GINS2: variants seen among roughly 807,000 people sequenced by gnomAD.
GINS2 encodes the protein GINS complex subunit 2, also known as DNA replication complex GINS protein PSF2.
In GINS2, 23 loss-of-function variants were observed where a neutral mutation model predicts 21.2. The ratio of observed to expected loss-of-function variants is 1.08; its 90% CI spans 0.78 to 1.53. The LOEUF (loss-of-function observed/expected upper bound fraction) is 1.53. Ranked by LOEUF, GINS2 falls within the 40% of genes most tolerant of loss-of-function variation. The pLI is 0.00. For missense variants in GINS2, 323 were observed against 233.9 expected (o/e 1.38, Z -2.49); for synonymous variants, 118 against 85.6 (o/e 1.38, Z -2.09).
At position 85,677,649 on chromosome 16, in the gene GINS2, G is replaced by T. The variant is rs1250355586; in HGVS notation, c.*563C>A. The stretch of plus-strand genomic sequence containing the variant: ...AGTCCTTTTACTTGGTAGTTACGCA[G>T]CACAAAAACCTAGAGAGTCAGAGCT... On this transcript the variant is annotated 3_prime_UTR_variant, in exon 5 of 5. Coordinates refer to ENST00000253462, the MANE Select transcript of GINS2 (RefSeq NM_016095.3). 2 of 152,380 alleles carry T rather than the reference G, an allele frequency of 1.3e-5. No homozygotes were observed. Among genetic ancestry groups the T allele is most frequent in the Non-Finnish European group, 2.9e-5 (2 of 68,210 alleles). The allele number at this position is 152,380 out of a possible 1,614,324, so 9.4% of individuals were successfully genotyped here. A position where few individuals can be genotyped will look rare whatever the true frequency, so the allele number is the denominator to read the frequency against.
intron 2 of GINS2, among the ~76,000 whole-genome samples, chr16:85,686,871 T>C (rs1340721379): frequency 6.6e-6 from 1 of 152,272 alleles, no homozygotes; most frequent in Non-Finnish European, 1.5e-5. Context: ...ATTTTTAAAA[T>C]TTTAAAACAA....
rs2053684415 is a variant in GINS2 at position 85,677,216 on chromosome 16, T to C, written c.*996A>G. On this transcript the variant is annotated 3_prime_UTR_variant, in exon 5 of 5. Transcript: ENST00000253462. The stretch of plus-strand genomic sequence containing the variant: ...TTTTAAAGCTGATTACAGAACCTTC[T>C]ATCCATTGCATGATGCTGGACGATC... 6.6e-6 allele frequency: 1 copy of C among 152,204 alleles called. No individual in the cohort carries two copies. The highest frequency in any genetic ancestry group is 2.4e-5 in the African/African-American group (1 of 41,452). 9.4% of individuals were successfully genotyped at this position (152,204 alleles called of 1,614,324 possible).
intron 3 of GINS2, among the ~76,000 whole-genome samples, chr16:85,681,346 T>C (rs972057652): frequency 6.7e-6 from 1 of 150,278 alleles, no homozygotes; most frequent in Non-Finnish European, 1.5e-5. Context: ...AAAGGAAAAA[T>C]GAGAGACAGA....
chr16:85,678,322 A>T lies in GINS2; in HGVS notation c.448T>A (p.Leu150Met). The T allele has an allele frequency of 6.2e-7, 1 of 1,613,256 alleles. No homozygotes were observed. The highest frequency in any genetic ancestry group is 1.7e-4 in the Middle Eastern group (1 of 6,018). ...GTCCCGCTGGTGTTGATCTCCATCA[A>T]GGTCAAGTTATCCAGCTAAAGCAAG... ...EAHAKLDNLT[L>M]MEINTSGTFL... The change falls in exon 5 of 5, where the codon TTG (leucine) becomes ATG (methionine). Residue 150 changes from leucine to methionine, a missense_variant. Coordinates refer to ENST00000253462, the MANE Select transcript of GINS2 (RefSeq NM_016095.3).
rs554019578 is a variant in GINS2, at chr16:85,688,714, C to T, written c.90+95G>A. 1.4e-3 allele frequency: 837 copies of T among 579,024 alleles called. 2 individuals carry two copies. Among genetic ancestry groups the T allele is most frequent in the South Asian group, 1.8e-3 (65 of 35,962 alleles). 35.9% of individuals were successfully genotyped at this position (579,024 alleles called of 1,614,324 possible). A position where few individuals can be genotyped will look rare whatever the true frequency, so the allele number is the denominator to read the frequency against. ...GTGGTGGCCTCCGCAGATGCGGGAG[C>T]AGGGCGAGCCCGCGACCCCGGGGCT... On this transcript the variant is annotated intron_variant, in intron 1 of 4. Coordinates refer to ENST00000253462, the MANE Select transcript of GINS2 (RefSeq NM_016095.3).
At position 85,681,611 on chromosome 16, in the gene GINS2, G is replaced by A; in HGVS notation, c.276C>T (p.Tyr92=). Residue 92 remains tyrosine (Y), a synonymous_variant, in exon 3 of 5, where the codon TAC becomes TAT. Coordinates refer to ENST00000253462, the MANE Select transcript of GINS2 (RefSeq NM_016095.3). The part of the protein sequence containing the change: ...ETFTPMPSPY[Y]MELTKLLLNH... ...TTAACAGGAGCTTCGTAAGTTCCAT[G>A]TAGTAAGGGCTGGGCATTGGGGTAA... 1.1e-5 allele frequency: 18 copies of A among 1,610,564 alleles called. No homozygotes were observed. The highest frequency in any genetic ancestry group is 2.2e-5 in the East Asian group (1 of 44,844).
chr16:85,682,929 C>T (rs1420769754), intron 2 of GINS2, among the ~76,000 whole-genome samples: 1 of 152,122 alleles, frequency 6.6e-6, no homozygotes, highest in Non-Finnish European at 1.5e-5. Context: ...CCTCTCTTCA[C>T]TGCCGCCAGC....
rs2053683052 is a variant in GINS2, at chr16:85,677,120, C to G, written c.*1092G>C. On this transcript the variant is annotated 3_prime_UTR_variant, in exon 5 of 5. Coordinates refer to ENST00000253462, the MANE Select transcript of GINS2 (RefSeq NM_016095.3). ...TCTCCTGGCCTTGTGATCCACCTGCCTTGGCCTCCCAAAGTGCTGGGATTA... is the reference window on the plus strand; with the variant it reads ...TCTCCTGGCCTTGTGATCCACCTGCGTTGGCCTCCCAAAGTGCTGGGATTA... 1.3e-5 allele frequency: 2 copies of G among 152,104 alleles called. No individual in the cohort carries two copies. Among genetic ancestry groups the G allele is most frequent in the African/African-American group, 4.8e-5 (2 of 41,418 alleles). The allele number at this position is 152,104 out of a possible 1,614,324, so 9.4% of individuals were successfully genotyped here. A position where few individuals can be genotyped will look rare whatever the true frequency, so the allele number is the denominator to read the frequency against.
At chr16:85,688,458 A>G (rs1382277489) in intron 1 of GINS2, among the ~76,000 whole-genome samples, 1 of 152,136 alleles carries the variant, frequency 6.6e-6, no homozygotes, top group Non-Finnish European at 1.5e-5. Flanking sequence ...AGGCAGGAGA[A>G]TCGCTTGAAC....
At chr16:85,687,071 A>C (rs2053783475) in intron 2 of GINS2, among the ~76,000 whole-genome samples, 1 of 152,178 alleles carries the variant, frequency 6.6e-6, no homozygotes, top group Non-Finnish European at 1.5e-5. Context: ...AAACGCAAAA[A>C]TTTGCAGGGT....
chr16:85,685,458 T>G (rs146672859), intron 2 of GINS2, among the ~76,000 whole-genome samples: 3,231 of 151,280 alleles, frequency 0.021, 87 homozygotes, highest in Admixed American at 0.069. Flanking sequence ...AGCCCAGAAG[T>G]TTGACACCAG....
intron 2 of GINS2, among the ~76,000 whole-genome samples, chr16:85,682,541 G>C (rs982577092): frequency 6.7e-6 from 1 of 148,962 alleles, no homozygotes; most frequent in African/African-American, 2.5e-5. Context: ...GGGGGGTTAA[G>C]CCACCCTGGC....
Position 85,685,694 on chromosome 16 carries a change from G to A in GINS2, c.205+1766C>T, listed in dbSNP as rs929398408. Among the ~76,000 whole-genome samples the A allele has an allele frequency of 7.8e-4, 44 of 56,352 alleles. No individual in the cohort carries two copies. In the East Asian group the frequency reaches 0.028, roughly 36 times the overall value. 37.0% of individuals were successfully genotyped at this position (56,352 alleles called of 152,430 possible). Reference sequence around the variant, plus strand: ...TCAAAAAAAAAAAAAAAAAAAAACCGTCTCAAAGCAGAGGAACTGGGGTTT... The same window carrying A: ...TCAAAAAAAAAAAAAAAAAAAAACCATCTCAAAGCAGAGGAACTGGGGTTT... On this transcript the variant is annotated intron_variant, in intron 2 of 4. Coordinates refer to ENST00000253462, the MANE Select transcript of GINS2 (RefSeq NM_016095.3).
chr16:85,676,611 G>C lies in GINS2; in HGVS notation c.*1601C>G, dbSNP rs907017152. ...CTGGAGGGCAGATGCTGGGTGATAA[G>C]TCTTTAGGCTCAGCCTGTCACACAT... On this transcript the variant is annotated 3_prime_UTR_variant, in exon 5 of 5. Coordinates refer to ENST00000253462, the MANE Select transcript of GINS2 (RefSeq NM_016095.3). 2 of 152,270 alleles carry C rather than the reference G, an allele frequency of 1.3e-5. No individual in the cohort carries two copies. The highest frequency in any genetic ancestry group is 4.8e-5 in the African/African-American group (2 of 41,468). The allele number at this position is 152,270 out of a possible 1,614,324, so 9.4% of individuals were successfully genotyped here.
In GINS2 at chr16:85,676,437, G is replaced by A. The variant is rs1009985121; in HGVS notation, c.*1775C>T. 1 of 152,206 alleles carries A rather than the reference G, an allele frequency of 6.6e-6. No individual in the cohort carries two copies. Among genetic ancestry groups the A allele is most frequent in the East Asian group, 1.9e-4 (1 of 5,206 alleles). 9.4% of individuals were successfully genotyped at this position (152,206 alleles called of 1,614,324 possible). A position where few individuals can be genotyped will look rare whatever the true frequency, so the allele number is the denominator to read the frequency against. ...GAACAAGTCCTATGAGCTGAACCAA[G>A]TCTGAACAGCACCTTAAATTATGGA... On this transcript the variant is annotated 3_prime_UTR_variant, in exon 5 of 5. Coordinates refer to ENST00000253462, the MANE Select transcript of GINS2 (RefSeq NM_016095.3).
Position 85,678,052 on chromosome 16 carries a change from A to T in GINS2, c.*160T>A. ...CCAGGGAGCTAAGTTTTAAGGACTA[A>T]TCACAAACTTGTTTCTCCAACAACA... is the stretch of plus-strand genomic sequence containing the variant. On this transcript the variant is annotated 3_prime_UTR_variant, in exon 5 of 5. Coordinates refer to ENST00000253462, the MANE Select transcript of GINS2 (RefSeq NM_016095.3). 1 of 662,428 alleles carries T rather than the reference A, an allele frequency of 1.5e-6. No individual in the cohort carries two copies. Among genetic ancestry groups the T allele is most frequent in the Non-Finnish European group, 2.6e-6 (1 of 382,506 alleles). 41.0% of individuals were successfully genotyped at this position (662,428 alleles called of 1,614,324 possible).
At position 85,685,685 on chromosome 16, in the gene GINS2, A is replaced by AAAAAAAAAAAAAAAAAAC. The variant is rs56405044; in HGVS notation, c.205+1774_205+1775insGTTTTTTTTTTTTTTTTT. Among the ~76,000 whole-genome samples the AAAAAAAAAAAAAAAAAAC allele has an allele frequency of 2.3e-4, 28 of 120,988 alleles. 1 individual carries two copies. The highest frequency in any genetic ancestry group is 3.7e-4 in the African/African-American group (14 of 37,922). 79.4% of individuals were successfully genotyped at this position (120,988 alleles called of 152,430 possible). ...GACCCTTTCTCAAAAAAAAAAAAAA[A>AAAAAAAAAAAAAAAAAAC]AAAAAACCGTCTCAAAGCAGAGGAA... On this transcript the variant is annotated intron_variant, in intron 2 of 4. Coordinates refer to ENST00000253462, the MANE Select transcript of GINS2 (RefSeq NM_016095.3).
At chr16:85,687,403 G>A (rs767955143) in intron 2 of GINS2, 57 bp downstream of exon 2, 11 of 994,984 alleles carry the variant, frequency 1.1e-5, no homozygotes, top group Non-Finnish European at 1.6e-5. Flanking sequence ...GTGGGAGAGG[G>A]CGTCACCCCA....
At chr16:85,686,991 G>C (rs1436640757) in intron 2 of GINS2, among the ~76,000 whole-genome samples, 3 of 152,228 alleles carry the variant, frequency 2.0e-5, no homozygotes, top group African/African-American at 7.2e-5. Context: ...ATCTGCCAAG[G>C]TGGCCAGATC....
Sources: gnomAD v4.1 joint callset for allele counts (sites outside exome capture counted in the v4.1 genomes callset) on GRCh38, gnomAD v4.1.1 for gene constraint, MANE v1.5 for transcripts, NCBI Gene and HGNC (gene_info 2026-07-23, HGNC 2026-07-21) for gene names.